The following LRRC18 variants were observed in gnomAD, a reference collection of about 807,000 sequenced individuals.
LRRC18 encodes leucine-rich repeat-containing protein 18.
LRRC18 carries 12 observed loss-of-function variants against 11.2 expected under a neutral mutation model. The ratio of observed to expected loss-of-function variants is 1.07; its 90% CI spans 0.69 to 1.74. LRRC18 has a LOEUF of 1.74. LRRC18 is among the 40% of genes most tolerant of loss of function. The pLI is 0.00. For missense variants in LRRC18, 374 were observed against 330.5 expected (o/e 1.13, Z -1.02); for synonymous variants, 155 against 130.6 (o/e 1.19, Z -1.27).
upstream of LRRC18, chr10:48,914,310 T>G (rs1838298950): frequency 1.3e-6 from 1 of 789,920 alleles, no homozygotes; most frequent in South Asian, 2.0e-5. Flanking sequence ...CGCTTTGCTC[T>G]TCAGTGGTTT....
intron 1 of LRRC18, among the ~76,000 whole-genome samples, chr10:48,912,439 C>T (rs1398578813): frequency 6.6e-6 from 1 of 152,202 alleles, no homozygotes; most frequent in Non-Finnish European, 1.5e-5. Context: ...TGGACCTAGA[C>T]CTGTCCAACC....
At chr10:48,932,772 G>A in the LRRC18 span, among the ~76,000 whole-genome samples, 7 of 152,164 alleles carry the variant, frequency 4.6e-5, no homozygotes, top group East Asian at 3.9e-4. Flanking sequence ...AGGGCATATC[G>A]GTGGGGACGT....
intron 1 of LRRC18, chr10:48,911,057 G>A (rs1464017332): frequency 4.0e-6 from 1 of 248,872 alleles, no homozygotes. Context: ...GTCTCTGCGT[G>A]GACTCTATAC....
chr10:48,913,220 C>T (rs1171665399), intron 1 of LRRC18, among the ~76,000 whole-genome samples, 172 bp downstream of exon 3: 1 of 152,094 alleles, frequency 6.6e-6, no homozygotes, highest in Admixed American at 6.5e-5. Context: ...AATCAAAAGC[C>T]CTTCAATCAA....
upstream of LRRC18, among the ~76,000 whole-genome samples, chr10:48,918,771 T>C (rs904305728): frequency 1.3e-5 from 2 of 152,180 alleles, no homozygotes; most frequent in African/African-American, 4.8e-5. Flanking sequence ...GTGACAGGGC[T>C]TGGGGGAAGA....
At chr10:48,923,486 A>G in the LRRC18 span, among the ~76,000 whole-genome samples, 2 of 143,450 alleles carry the variant, frequency 1.4e-5, no homozygotes, top group African/African-American at 2.6e-5. Flanking sequence ...TAAACAACAA[A>G]TAGTTTTTAG....
At chr10:48,939,810 G>A in the LRRC18 span, among the ~76,000 whole-genome samples, 2 of 152,282 alleles carry the variant, frequency 1.3e-5, no homozygotes, top group Non-Finnish European at 1.5e-5. Context: ...AGAAATAATG[G>A]AACTTCCTTG....
At chr10:48,922,327 T>C in the LRRC18 span, among the ~76,000 whole-genome samples, 1 of 152,202 alleles carries the variant, frequency 6.6e-6, no homozygotes, top group African/African-American at 2.4e-5. Flanking sequence ...GTTCGTCACT[T>C]AGTAGCTGTC....
At chr10:48,914,104 C>A (rs765342136) in exon 1 of LRRC18, 2 of 1,614,176 alleles carry the variant, frequency 1.2e-6, no homozygotes, top group African/African-American at 1.3e-5. Context: ...CAATTCCTGG[C>A]CACCTTGAGG....
the LRRC18 span, among the ~76,000 whole-genome samples, chr10:48,929,228 A>G: frequency 6.6e-6 from 1 of 151,748 alleles, no homozygotes; most frequent in African/African-American, 2.4e-5. Flanking sequence ...GAGGAAGGAG[A>G]GAAGGAGGAC....
At chr10:48,911,648 G>C (rs1838013961) in intron 1 of LRRC18, among the ~76,000 whole-genome samples, 1 of 152,158 alleles carries the variant, frequency 6.6e-6, no homozygotes, top group Non-Finnish European at 1.5e-5. Flanking sequence ...TGACAGGAAT[G>C]CTATAATTTT....
the LRRC18 span, among the ~76,000 whole-genome samples, chr10:48,920,626 C>T: frequency 2.2e-3 from 329 of 152,304 alleles, 1 homozygote; most frequent in African/African-American, 7.7e-3. Flanking sequence ...AGCACACTTT[C>T]ACTATGTCTG....
upstream of LRRC18, among the ~76,000 whole-genome samples, chr10:48,918,472 G>T (rs2663057): frequency 0.71 from 108,279 of 152,054 alleles, 39,363 homozygotes; most frequent in African/African-American, 0.86. Flanking sequence ...AAAATTTACA[G>T]GAAGTAAGAC....
At chr10:48,921,321 C>A in the LRRC18 span, among the ~76,000 whole-genome samples, 2 of 152,106 alleles carry the variant, frequency 1.3e-5, no homozygotes, top group Non-Finnish European at 2.9e-5. Flanking sequence ...CAAACATGGC[C>A]AAATGGTCAA....
At chr10:48,914,320 T>A (rs1589871076), upstream of LRRC18, 2 of 739,262 alleles carry the variant, frequency 2.7e-6, no homozygotes, top group Non-Finnish European at 4.2e-6. Context: ...TTCAGTGGTT[T>A]AAAAAGCAAG....
At chr10:48,918,096 A>G (rs1404932138), upstream of LRRC18, among the ~76,000 whole-genome samples, 1 of 152,230 alleles carries the variant, frequency 6.6e-6, no homozygotes, top group Non-Finnish European at 1.5e-5. Flanking sequence ...AGATATAGTA[A>G]ATAGTAAAAA....
At chr10:48,925,964 T>C in the LRRC18 span, among the ~76,000 whole-genome samples, 3 of 152,130 alleles carry the variant, frequency 2.0e-5, no homozygotes, top group Non-Finnish European at 4.4e-5. Flanking sequence ...TCAGAGAAGT[T>C]AAGTGACTTC....
the LRRC18 span, among the ~76,000 whole-genome samples, chr10:48,939,647 C>A: frequency 2.2e-3 from 341 of 152,308 alleles, 1 homozygote; most frequent in African/African-American, 6.3e-3. Flanking sequence ...AACTAATCAC[C>A]AGTTACCAAC....
chr10:48,929,097 T>C, the LRRC18 span, among the ~76,000 whole-genome samples: 1 of 152,166 alleles, frequency 6.6e-6, no homozygotes, highest in African/African-American at 2.4e-5. Context: ...AGGAGGGCCA[T>C]CTTTGAGAAG....
Sources: allele counts gnomAD v4.1 joint callset (sites outside exome capture counted in the v4.1 genomes callset), GRCh38; gene constraint gnomAD v4.1.1; transcripts MANE v1.5; gene names NCBI Gene and HGNC (gene_info 2026-07-23, HGNC 2026-07-21).